Variants in IL1RAPL1 observed in about 807,000 individuals in gnomAD.
The protein encoded by IL1RAPL1 is interleukin-1 receptor accessory protein-like 1.
Under a neutral mutation model 48.4 loss-of-function variants are expected in IL1RAPL1, and 3 were observed. That is an observed-to-expected ratio of 0.06 (90% CI 0.03 to 0.16). IL1RAPL1 has a LOEUF of 0.16. Among genes scored for constraint, IL1RAPL1 ranks in the 10% least tolerant of loss-of-function variants. IL1RAPL1 has a pLI of 1.00. For synonymous variants in IL1RAPL1, 185 were observed against 187.7 expected, an observed-to-expected ratio of 0.99 and a Z score of 0.12; for missense variants, 349 against 530.6, an observed-to-expected ratio of 0.66 and a Z score of 3.36.
intron 2 of IL1RAPL1, among the ~76,000 whole-genome samples, chrX:28,851,303 T>C (rs1022040390): frequency 3.6e-5 from 4 of 110,547 alleles, no homozygotes; most frequent in Non-Finnish European, 7.6e-5. Flanking sequence ...ACTCCTTAAC[T>C]GCACACATAT....
intron 6 of IL1RAPL1, among the ~76,000 whole-genome samples, chrX:29,779,388 A>G (rs1439697258): frequency 9.0e-6 from 1 of 111,401 alleles, no homozygotes; most frequent in Non-Finnish European, 1.9e-5. Context: ...CATGCTCTTT[A>G]AAAGAGATCA....
intron 1 of IL1RAPL1, among the ~76,000 whole-genome samples, chrX:28,612,996 T>A (rs1479458254): frequency 9.0e-6 from 1 of 111,605 alleles, no homozygotes; most frequent in East Asian, 2.8e-4. Context: ...GCCTATCAGT[T>A]TGGAAGATTA....
chrX:29,258,124 A>G (rs1931786360), intron 2 of IL1RAPL1, among the ~76,000 whole-genome samples: 1 of 111,067 alleles, frequency 9.0e-6, no homozygotes, highest in Non-Finnish European at 1.9e-5. Flanking sequence ...TTTTAGTGAT[A>G]CTAAGTATAC....
intron 5 of IL1RAPL1, among the ~76,000 whole-genome samples, chrX:29,418,178 G>A (rs2147703252): frequency 2.2e-5 from 2 of 89,688 alleles, no homozygotes; most frequent in African/African-American, 8.5e-5. Flanking sequence ...AGGCTGGAGT[G>A]CAGTGGCATG....
intron 6 of IL1RAPL1, among the ~76,000 whole-genome samples, chrX:29,904,905 G>C (rs1468917181): frequency 9.0e-6 from 1 of 111,721 alleles, no homozygotes; most frequent in Admixed American, 9.5e-5. Context: ...GGATTGCTGG[G>C]TCAAGCGGTA....
At chrX:29,003,627 T>C (rs1030535615) in intron 2 of IL1RAPL1, among the ~76,000 whole-genome samples, 2 of 112,002 alleles carry the variant, frequency 1.8e-5, no homozygotes, top group East Asian at 5.6e-4. Context: ...AAGCTCAATG[T>C]AGATTGGAAC....
intron 1 of IL1RAPL1, among the ~76,000 whole-genome samples, chrX:28,750,448 C>T (rs1368003718): frequency 9.0e-6 from 1 of 111,274 alleles, no homozygotes; most frequent in African/African-American, 3.3e-5. Flanking sequence ...TATGTGTTTT[C>T]TTCCATTTAT....
At chrX:28,994,625 TTTG>T (rs1925687794) in intron 2 of IL1RAPL1, among the ~76,000 whole-genome samples, 1 of 111,363 alleles carries the variant, frequency 9.0e-6, no homozygotes, top group Non-Finnish European at 1.9e-5. Context: ...GTTTTTTGTG[TTTG>T]TTGTTGTTGC....
At chrX:29,224,864 C>T (rs1442316967) in intron 2 of IL1RAPL1, among the ~76,000 whole-genome samples, 2 of 111,713 alleles carry the variant, frequency 1.8e-5, no homozygotes, top group Non-Finnish European at 3.8e-5. Context: ...AAAGTTAAAA[C>T]TTTTTTATGA....
intron 1 of IL1RAPL1, among the ~76,000 whole-genome samples, chrX:28,772,157 G>A (rs2147257405): frequency 9.0e-6 from 1 of 110,709 alleles, no homozygotes; most frequent in African/African-American, 3.3e-5. Flanking sequence ...AGAGTCTGTT[G>A]AGAAATGCTC....
intron 5 of IL1RAPL1, among the ~76,000 whole-genome samples, chrX:29,451,156 ATTC>A (rs1465964682): frequency 9.3e-6 from 1 of 107,555 alleles, no homozygotes; most frequent in Non-Finnish European, 1.9e-5. Flanking sequence ...CTTTTCTTCT[ATTC>A]TTTTTTATTA....
At chrX:29,009,897 T>G (rs1290446710) in intron 2 of IL1RAPL1, among the ~76,000 whole-genome samples, 2 of 112,082 alleles carry the variant, frequency 1.8e-5, no homozygotes, top group African/African-American at 6.5e-5. Context: ...GTATGGGATG[T>G]TTTTCCATTT....
At chrX:29,413,983 C>A (rs1934181933) in intron 5 of IL1RAPL1, among the ~76,000 whole-genome samples, 1 of 110,791 alleles carries the variant, frequency 9.0e-6, no homozygotes, top group African/African-American at 3.3e-5. Flanking sequence ...CTATTACAGT[C>A]ACTTATTTGC....
At chrX:29,838,130 C>T (rs1483510257) in intron 6 of IL1RAPL1, among the ~76,000 whole-genome samples, 1 of 111,852 alleles carries the variant, frequency 8.9e-6, no homozygotes, top group African/African-American at 3.3e-5. Flanking sequence ...GAGTAATATA[C>T]ACAGTGATTT....
At chrX:29,498,849 G>C (rs898315252) in intron 5 of IL1RAPL1, among the ~76,000 whole-genome samples, 1 of 111,747 alleles carries the variant, frequency 8.9e-6, no homozygotes, top group African/African-American at 3.3e-5. Context: ...TTGGCATTAA[G>C]AATATCATTA....
chrX:29,613,712 C>CGTGTGTGTGTGT (rs753582133), intron 5 of IL1RAPL1, among the ~76,000 whole-genome samples: 2 of 58,802 alleles, frequency 3.4e-5, no homozygotes, highest in East Asian at 6.3e-4. Flanking sequence ...GGGTTTTTTT[C>CGTGTGTGTGTGT]GTGTGTGTGT....
chrX:29,663,030 T>C (rs1255697693), intron 5 of IL1RAPL1, among the ~76,000 whole-genome samples: 1 of 112,452 alleles, frequency 8.9e-6, no homozygotes, highest in Non-Finnish European at 1.9e-5. Flanking sequence ...ATTTCCTTCT[T>C]CTGCAAGGAC....
intron 6 of IL1RAPL1, among the ~76,000 whole-genome samples, chrX:29,683,501 A>T (rs1023691585): frequency 1.8e-5 from 2 of 112,238 alleles, no homozygotes; most frequent in Admixed American, 1.9e-4. Flanking sequence ...ACATTTAAGT[A>T]TGTTGTCTCA....
intron 3 of IL1RAPL1, among the ~76,000 whole-genome samples, chrX:29,356,817 A>G (rs941372988): frequency 3.6e-5 from 4 of 111,299 alleles, no homozygotes; most frequent in Non-Finnish European, 7.5e-5. Flanking sequence ...GTAAATATCT[A>G]TTTCTGTGCT....
Sources: gnomAD v4.1 joint callset for allele counts (sites outside exome capture counted in the v4.1 genomes callset) on GRCh38, gnomAD v4.1.1 for gene constraint, MANE v1.5 for transcripts, NCBI Gene and HGNC (gene_info 2026-07-23, HGNC 2026-07-21) for gene names.